The following ADCY2 variants were observed in gnomAD, a reference collection of about 807,000 sequenced individuals.
The protein encoded by ADCY2 is adenylate cyclase type 2.
Under a neutral mutation model 125.2 loss-of-function variants are expected in ADCY2, and 31 were observed. The observed-to-expected ratio is 0.25, with a 90% CI of 0.19 to 0.33. The LOEUF is 0.33. ADCY2 is among the 10% of genes least tolerant of loss of function. ADCY2 has a pLI of 1.00. For synonymous variants in ADCY2, 512 were observed against 548.4 expected (o/e 0.93, Z 0.93); for missense variants, 904 against 1,418.2 (o/e 0.64, Z 5.82).
At chr5:7,407,975 T>G (rs886623875) in intron 1 of ADCY2, among the ~76,000 whole-genome samples, 2 of 151,642 alleles carry the variant, frequency 1.3e-5, no homozygotes, top group African/African-American at 4.8e-5. Flanking sequence ...TTCAAGTGAT[T>G]CTTGTGCCTC....
intron 4 of ADCY2, among the ~76,000 whole-genome samples, chr5:7,675,811 C>A (rs1302105699): frequency 6.6e-6 from 1 of 152,108 alleles, no homozygotes; most frequent in African/African-American, 2.4e-5. Flanking sequence ...ACTTCGTGGG[C>A]ATGTTTAGGC....
chr5:7,492,517 T>C (rs1579499502), intron 2 of ADCY2, among the ~76,000 whole-genome samples: 1 of 152,034 alleles, frequency 6.6e-6, no homozygotes, highest in South Asian at 2.1e-4. Context: ...GGAAGGACTG[T>C]AGGAGTCAAG....
At chr5:7,413,595 G>T (rs1739814621) in intron 1 of ADCY2, among the ~76,000 whole-genome samples, 1 of 143,848 alleles carries the variant, frequency 7.0e-6, no homozygotes. Flanking sequence ...ACCGCACCCG[G>T]CCGGTTTTTT....
In ADCY2 at chr5:7,826,990, C is replaced by G; in HGVS notation, c.*119C>G. ...TGCTGTCTGTCCTATGGAGCCTCTG[C>G]AGACTCGTTCTCGTGACCCAGTGGC... On this transcript the variant is annotated 3_prime_UTR_variant, in exon 25 of 25. Coordinates refer to ENST00000338316, the MANE Select transcript of ADCY2 (RefSeq NM_020546.3). 2 of 1,262,994 alleles carry G rather than the reference C, an allele frequency of 1.6e-6. No homozygotes were observed. The highest frequency in any genetic ancestry group is 2.2e-6 in the Non-Finnish European group (2 of 920,778). The allele number at this position is 1,262,994 out of a possible 1,614,324, so 78.2% of individuals were successfully genotyped here. A position where few individuals can be genotyped will look rare whatever the true frequency, so the allele number is the denominator to read the frequency against.
At chr5:7,727,057 C>T in intron 13 of ADCY2, 107 bp from the exon 14 acceptor site, 1 of 789,528 alleles carries the variant, frequency 1.3e-6, no homozygotes. Context: ...GCAATCTGCA[C>T]AATTTCTGAG....
chr5:7,439,802 G>A (rs1258375426), intron 2 of ADCY2, among the ~76,000 whole-genome samples: 1 of 152,150 alleles, frequency 6.6e-6, no homozygotes, highest in East Asian at 1.9e-4. Context: ...TGAGGATGGA[G>A]AAGAGCAGGA....
At chr5:7,630,957 T>C (rs1226506355) in intron 4 of ADCY2, among the ~76,000 whole-genome samples, 2 of 151,768 alleles carry the variant, frequency 1.3e-5, no homozygotes, top group Admixed American at 6.6e-5. Context: ...CTGGCTAACT[T>C]TTGTTATTTA....
At chr5:7,551,040 C>G (rs183329031) in intron 3 of ADCY2, among the ~76,000 whole-genome samples, 1 of 124,706 alleles carries the variant, frequency 8.0e-6, no homozygotes, top group African/African-American at 3.0e-5. Flanking sequence ...CTCCCTTCCT[C>G]CCTTCCTTCC....
chr5:7,431,064 A>G (rs1301927756), intron 2 of ADCY2, among the ~76,000 whole-genome samples: 2 of 152,170 alleles, frequency 1.3e-5, no homozygotes, highest in African/African-American at 4.8e-5. Flanking sequence ...TGGTTCTAAA[A>G]TGTATATGGA....
Position 7,819,652 on chromosome 5 carries a change from C to T in ADCY2, c.2999-913C>T, listed in dbSNP as rs1025928666. Reference sequence around the variant, plus strand: ...ACTTGGCCTTTGATTCTCCCTTTCCCCCGACCCTCTGTCTCTCCCAGGAGG... The same window carrying T: ...ACTTGGCCTTTGATTCTCCCTTTCCTCCGACCCTCTGTCTCTCCCAGGAGG... On this transcript the variant is annotated intron_variant, in intron 23 of 24. Transcript: ENST00000338316. 5.3e-5 allele frequency among the ~76,000 whole-genome samples: 8 copies of T among 152,228 alleles called. No individual in the cohort carries two copies. The East Asian group carries it at 5.8e-4, about 11-fold the overall frequency.
At chr5:7,770,239 C>A (rs566388891) in intron 17 of ADCY2, among the ~76,000 whole-genome samples, 1 of 152,206 alleles carries the variant, frequency 6.6e-6, no homozygotes, top group South Asian at 2.1e-4. Flanking sequence ...AAATGTGAAA[C>A]CTTAGCATAT....
intron 20 of ADCY2, chr5:7,793,640 G>A (rs1241105784): frequency 6.6e-6 from 1 of 152,272 alleles, no homozygotes; most frequent in Non-Finnish European, 1.5e-5. Context: ...AACTTTCCAG[G>A]AGCAAAGCAG....
At chr5:7,784,544 C>A in intron 19 of ADCY2, 95 bp downstream of exon 19, 1 of 872,218 alleles carries the variant, frequency 1.1e-6, no homozygotes, top group Non-Finnish European at 1.8e-6. Flanking sequence ...TTCTTGGAAA[C>A]AAACGTCTAA....
At chr5:7,793,173 G>A (rs1433930140) in intron 20 of ADCY2, among the ~76,000 whole-genome samples, 1 of 152,130 alleles carries the variant, frequency 6.6e-6, no homozygotes, top group Non-Finnish European at 1.5e-5. Flanking sequence ...TGTCAGCTGG[G>A]TGCGGTGGCT....
At chr5:7,721,326 A>T (rs1247390914) in intron 12 of ADCY2, among the ~76,000 whole-genome samples, 1 of 152,018 alleles carries the variant, frequency 6.6e-6, no homozygotes, top group African/African-American at 2.4e-5. Context: ...GATTATAAAA[A>T]TTTTCTCCCA....
chr5:7,671,828 T>A (rs1739945936), intron 4 of ADCY2, among the ~76,000 whole-genome samples: 1 of 152,150 alleles, frequency 6.6e-6, no homozygotes, highest in South Asian at 2.1e-4. Flanking sequence ...TGTAGAAGTA[T>A]TGACTCACCA....
At chr5:7,497,320 T>C (rs1743376729) in intron 2 of ADCY2, among the ~76,000 whole-genome samples, 1 of 152,122 alleles carries the variant, frequency 6.6e-6, no homozygotes, top group Admixed American at 6.5e-5. Flanking sequence ...ATGTATATGG[T>C]TTATAATTAA....
At chr5:7,478,331 G>A (rs539798795) in intron 2 of ADCY2, among the ~76,000 whole-genome samples, 3 of 152,284 alleles carry the variant, frequency 2.0e-5, no homozygotes, top group South Asian at 2.1e-4. Context: ...ACTAGCATAT[G>A]CAATTGAAGC....
At chr5:7,506,256 A>C (rs1046254053) in intron 2 of ADCY2, among the ~76,000 whole-genome samples, 6 of 152,256 alleles carry the variant, frequency 3.9e-5, no homozygotes, top group African/African-American at 1.4e-4. Flanking sequence ...AAGTTAAAAA[A>C]TCATGTACCT....
Sources: allele counts gnomAD v4.1 joint callset (sites outside exome capture counted in the v4.1 genomes callset), GRCh38; gene constraint gnomAD v4.1.1; transcripts MANE v1.5; gene names NCBI Gene and HGNC (gene_info 2026-07-23, HGNC 2026-07-21).